The following TCF12 variants were observed in gnomAD, a reference collection of about 807,000 sequenced individuals.
TCF12 encodes DNA-binding protein HTF4.
A neutral mutation model predicts 86.0 loss-of-function variants in TCF12; 45 were observed. The ratio of observed to expected loss-of-function variants is 0.52; its 90% CI spans 0.41 to 0.67. TCF12 has a LOEUF of 0.67. TCF12 is among the 30% of genes least tolerant of loss of function. TCF12 has a pLI of 0.00. For missense variants in TCF12, 881 were observed against 859.9 expected (o/e 1.02, Z -0.31); for synonymous variants, 330 against 299.6 (o/e 1.10, Z -1.05).
At chr15:57,049,009 A>G (rs74344669) in intron 3 of TCF12, among the ~76,000 whole-genome samples, 87 of 152,294 alleles carry the variant, frequency 5.7e-4, no homozygotes, top group Non-Finnish European at 9.1e-4. Context: ...TTGCTTTTCA[A>G]GAGTTACCCT....
At chr15:57,148,214 G>C (rs1012505281) in intron 5 of TCF12, among the ~76,000 whole-genome samples, 14 of 150,966 alleles carry the variant, frequency 9.3e-5, no homozygotes, top group African/African-American at 3.4e-4. Flanking sequence ...TAAAAAGAAA[G>C]AAAGAAAGAA....
chr15:57,246,015 C>T (rs1175342745), intron 13 of TCF12, among the ~76,000 whole-genome samples: 2 of 134,448 alleles, frequency 1.5e-5, no homozygotes, highest in Non-Finnish European at 3.1e-5. Flanking sequence ...TATTCACTGT[C>T]AAAGGGAAAA....
intron 8 of TCF12, among the ~76,000 whole-genome samples, chr15:57,198,195 G>T (rs145121022): frequency 6.6e-6 from 1 of 152,266 alleles, no homozygotes; most frequent in African/African-American, 2.4e-5. Flanking sequence ...GAAAATCTTA[G>T]AAATTTACAT....
chr15:57,222,823 C>T (rs2058669511), intron 8 of TCF12, among the ~76,000 whole-genome samples: 1 of 85,226 alleles, frequency 1.2e-5, no homozygotes. Context: ...TGCCTTACTC[C>T]ATTTTTCTGA....
intron 4 of TCF12, among the ~76,000 whole-genome samples, chr15:57,090,577 T>C (rs141235584): frequency 2.0e-5 from 3 of 152,334 alleles, no homozygotes; most frequent in Non-Finnish European, 4.4e-5. Flanking sequence ...TCCTAGCCCT[T>C]TCATTGAACT....
At chr15:57,138,565 G>C (rs1405138614) in intron 5 of TCF12, among the ~76,000 whole-genome samples, 1 of 152,078 alleles carries the variant, frequency 6.6e-6, no homozygotes, top group East Asian at 1.9e-4. Context: ...AAAGTGTAAA[G>C]CTTAGAGGGG....
Position 56,921,025 on chromosome 15 carries a change from G to C in TCF12, c.76-1G>C. The C allele has an allele frequency of 6.3e-7, 1 of 1,590,642 alleles. No homozygotes were observed. The highest frequency in any genetic ancestry group is 8.6e-7 in the Non-Finnish European group (1 of 1,168,440). On this transcript the variant is annotated splice_acceptor_variant, in intron 2 of 20. Transcript: ENST00000333725. LOFTEE classifies it high-confidence loss of function. ...ACAGATATATTTGGGTTATTTTGCA[G>C]ATGTTTTCCCCACCTGTTAATAGTG...
chr15:56,938,641 C>CT (rs11071300), intron 3 of TCF12, among the ~76,000 whole-genome samples: 12,545 of 127,066 alleles, frequency 0.099, 682 homozygotes, highest in South Asian at 0.18. Context: ...TGGTCCGAGA[C>CT]TTTTTTTTTT....
intron 5 of TCF12, among the ~76,000 whole-genome samples, chr15:57,147,789 A>C (rs1596819189): frequency 6.6e-6 from 1 of 152,162 alleles, no homozygotes. Flanking sequence ...AGAGTTCCTA[A>C]ACTTTATAAT....
intron 14 of TCF12, 70 bp from the exon 15 acceptor site, chr15:57,252,351 T>C: frequency 8.6e-7 from 1 of 1,162,358 alleles, no homozygotes; most frequent in Non-Finnish European, 1.3e-6. Context: ...GCATATCAGC[T>C]ATTTCCTCAT....
chr15:57,021,485 C>T (rs1023476744), intron 3 of TCF12, among the ~76,000 whole-genome samples: 2 of 152,196 alleles, frequency 1.3e-5, no homozygotes, highest in East Asian at 3.8e-4. Context: ...AGATGTGGGT[C>T]AGGATTCTTG....
intron 3 of TCF12, among the ~76,000 whole-genome samples, chr15:56,942,868 G>A (rs571267356): frequency 1.3e-5 from 2 of 152,058 alleles, no homozygotes; most frequent in Non-Finnish European, 2.9e-5. Context: ...ATATCTATTT[G>A]CAGTGGCTTT....
At position 57,233,006 on chromosome 15, in the gene TCF12, A is replaced by G. The variant is rs1235146704; in HGVS notation, c.970+150A>G. 3.4e-5 allele frequency: 14 copies of G among 410,124 alleles called. 1 individual carries two copies. In the East Asian group the frequency reaches 4.0e-4, roughly 12 times the overall value. The allele number at this position is 410,124 out of a possible 1,614,324, so 25.4% of individuals were successfully genotyped here. On this transcript the variant is annotated intron_variant, in intron 11 of 20. Coordinates refer to ENST00000333725, the MANE Select transcript of TCF12 (RefSeq NM_207037.2). ...ATGTATATGTGTGTTATATGTATAT[A>G]TGTGTTATATATGTATATATGTGTG...
At chr15:57,094,196 A>G (rs1039919579) in intron 5 of TCF12, among the ~76,000 whole-genome samples, 8 of 152,198 alleles carry the variant, frequency 5.3e-5, no homozygotes, top group African/African-American at 1.9e-4. Context: ...CCCAGACCAT[A>G]CGTTTTATTT....
At chr15:57,150,545 G>GA (rs1406160482) in intron 5 of TCF12, among the ~76,000 whole-genome samples, 2 of 152,056 alleles carry the variant, frequency 1.3e-5, no homozygotes, top group Non-Finnish European at 2.9e-5. Context: ...GACATTCTTT[G>GA]AAGGAATACA....
chr15:57,028,705 G>A (rs188833406), intron 3 of TCF12, among the ~76,000 whole-genome samples: 2 of 152,140 alleles, frequency 1.3e-5, no homozygotes, highest in Non-Finnish European at 2.9e-5. Context: ...AGCTTTCATT[G>A]TCTTGTCTAA....
At chr15:57,022,487 T>G (rs2065555807) in intron 3 of TCF12, among the ~76,000 whole-genome samples, 1 of 152,242 alleles carries the variant, frequency 6.6e-6, no homozygotes, top group African/African-American at 2.4e-5. Flanking sequence ...TTGGGTTGAT[T>G]CCAAGTCTTT....
chr15:56,976,294 A>G (rs1409982043), intron 3 of TCF12, among the ~76,000 whole-genome samples: 1 of 139,884 alleles, frequency 7.1e-6, no homozygotes, highest in Non-Finnish European at 1.5e-5. Context: ...GCCGTGGTGC[A>G]ATTTCGGCTC....
intron 8 of TCF12, among the ~76,000 whole-genome samples, chr15:57,216,447 A>C (rs140974024): frequency 6.6e-6 from 1 of 152,000 alleles, no homozygotes; most frequent in South Asian, 2.1e-4. Context: ...AGTGCATGAC[A>C]GTTCAGAACT....
Sources: allele counts gnomAD v4.1 joint callset (sites outside exome capture counted in the v4.1 genomes callset), GRCh38; gene constraint gnomAD v4.1.1; transcripts MANE v1.5; gene names NCBI Gene and HGNC (gene_info 2026-07-23, HGNC 2026-07-21).